The following FOXP1 variants were observed in gnomAD, a reference collection of about 807,000 sequenced individuals.
FOXP1 encodes the protein forkhead box protein P1.
A neutral mutation model predicts 98.2 loss-of-function variants in FOXP1; 15 were observed. The ratio of observed to expected loss-of-function variants is 0.15; its 90% CI spans 0.10 to 0.24. The LOEUF is 0.24. Among genes scored for constraint, FOXP1 ranks in the 10% least tolerant of loss-of-function variants. The probability of loss-of-function intolerance (pLI) is 1.00; values close to 1 mark genes in which losing one functional copy is unlikely to be tolerated. For synonymous variants in FOXP1, 371 were observed against 314.5 expected (o/e 1.18, Z -1.90); for missense variants, 633 against 848.5 (o/e 0.75, Z 3.15).
intron 3 of FOXP1, among the ~76,000 whole-genome samples, chr3:71,397,421 T>G (rs1229538066): frequency 6.6e-6 from 1 of 152,190 alleles, no homozygotes; most frequent in African/African-American, 2.4e-5. Context: ...AGTGATATCC[T>G]GAATGTAGGT....
At chr3:71,385,490 G>T (rs2080500174) in intron 3 of FOXP1, among the ~76,000 whole-genome samples, 1 of 152,102 alleles carries the variant, frequency 6.6e-6, no homozygotes, top group Non-Finnish European at 1.5e-5. Flanking sequence ...AGCTGCTCTG[G>T]GGAGAGACTG....
At chr3:71,100,665 T>C (rs2056874269) in intron 7 of FOXP1, among the ~76,000 whole-genome samples, 1 of 152,234 alleles carries the variant, frequency 6.6e-6, no homozygotes, top group South Asian at 2.1e-4. Flanking sequence ...AGGTCTTCTC[T>C]CTAAACAGCA....
At position 71,548,415 on chromosome 3, in the gene FOXP1, T is replaced by C. The variant is rs368416878; in HGVS notation, c.-298+33134A>G. Among the ~76,000 whole-genome samples the C allele has an allele frequency of 7.2e-5, 11 of 152,312 alleles. No homozygotes were observed. In the East Asian group the frequency reaches 1.2e-3, roughly 16 times the overall value. ...CTTCCTCAACTGTTTTTGTTTTTGT[T>C]TTTATTTTAAGACAGGGTCTTGTAC... On this transcript the variant is annotated intron_variant, in intron 2 of 20. Coordinates refer to ENST00000649528, the MANE Select transcript of FOXP1 (RefSeq NM_001349338.3).
chr3:71,131,974 G>A (rs551309101), intron 6 of FOXP1, among the ~76,000 whole-genome samples: 3 of 152,352 alleles, frequency 2.0e-5, no homozygotes, highest in South Asian at 4.1e-4. Flanking sequence ...ACTTTGGGGA[G>A]GGGTGGAGTA....
chr3:71,473,474 T>A (rs1333549817), intron 3 of FOXP1, among the ~76,000 whole-genome samples: 2 of 152,126 alleles, frequency 1.3e-5, no homozygotes, highest in African/African-American at 4.8e-5. Flanking sequence ...CCTCTAAGCA[T>A]TGTCAAAATA....
chr3:71,309,955 T>C (rs924315173), intron 4 of FOXP1, among the ~76,000 whole-genome samples: 2 of 152,230 alleles, frequency 1.3e-5, no homozygotes, highest in Admixed American at 6.5e-5. Context: ...ATTAGAACTT[T>C]TACTTTTGGG....
At chr3:71,353,643 T>C (rs1241045781) in intron 4 of FOXP1, among the ~76,000 whole-genome samples, 2 of 152,202 alleles carry the variant, frequency 1.3e-5, no homozygotes, top group Non-Finnish European at 2.9e-5. Flanking sequence ...ATAAAAGAAA[T>C]GGCTATTTTA....
chr3:70,956,525 T>A lies in FOXP1; in HGVS notation c.*2722A>T. ...AAATTTTAATCATTCCCTAAAGGTT[T>A]GAACTGAGGTATGCGTACTAACAGT... On this transcript the variant is annotated 3_prime_UTR_variant, in exon 21 of 21. Coordinates refer to ENST00000649528, the MANE Select transcript of FOXP1 (RefSeq NM_001349338.3). 4.3e-6 allele frequency: 1 copy of A among 231,212 alleles called. No homozygotes were observed. Among genetic ancestry groups the A allele is most frequent in the East Asian group, 6.1e-5 (1 of 16,268 alleles). The allele number at this position is 231,212 out of a possible 1,614,324, so 14.3% of individuals were successfully genotyped here. A position where few individuals can be genotyped will look rare whatever the true frequency, so the allele number is the denominator to read the frequency against.
intron 6 of FOXP1, among the ~76,000 whole-genome samples, chr3:71,173,383 T>TCACACACACA (rs3064895): frequency 0.015 from 2,099 of 143,274 alleles, 28 homozygotes; most frequent in Admixed American, 0.036. Flanking sequence ...AAGAAAAAAT[T>TCACACACACA]CACACACACA....
intron 9 of FOXP1, among the ~76,000 whole-genome samples, chr3:71,049,584 C>T (rs1034950211): frequency 6.6e-6 from 1 of 151,436 alleles, no homozygotes; most frequent in East Asian, 1.9e-4. Context: ...AAAGGTACAT[C>T]GTTCTGGCCA....
chr3:71,113,950 A>G (rs1453455389), intron 6 of FOXP1, among the ~76,000 whole-genome samples: 1 of 152,090 alleles, frequency 6.6e-6, no homozygotes, highest in Non-Finnish European at 1.5e-5. Context: ...GGGTTACTTG[A>G]GTCAATGCAG....
intron 3 of FOXP1, among the ~76,000 whole-genome samples, chr3:71,450,450 T>A (rs1222335597): frequency 1.3e-5 from 2 of 152,200 alleles, no homozygotes; most frequent in Non-Finnish European, 2.9e-5. Context: ...GAAATTTTGA[T>A]CTCAGCTGTC....
intron 5 of FOXP1, among the ~76,000 whole-genome samples, chr3:71,260,644 G>A (rs1013896179): frequency 6.6e-6 from 1 of 151,452 alleles, no homozygotes; most frequent in Non-Finnish European, 1.5e-5. Context: ...CCAGGTTCAA[G>A]CAATTCTCCT....
intron 3 of FOXP1, among the ~76,000 whole-genome samples, chr3:71,405,496 G>A (rs1228576210): frequency 6.6e-6 from 1 of 152,176 alleles, no homozygotes; most frequent in Admixed American, 6.5e-5. Context: ...TGGAAAAACT[G>A]AAGCTAAGAG....
At chr3:71,099,435 C>A (rs1469867520) in intron 7 of FOXP1, among the ~76,000 whole-genome samples, 1 of 152,100 alleles carries the variant, frequency 6.6e-6, no homozygotes, top group Non-Finnish European at 1.5e-5. Flanking sequence ...TTGCTTGAAC[C>A]CTGGAGGCGG....
intron 4 of FOXP1, among the ~76,000 whole-genome samples, chr3:71,324,549 A>G (rs1488856344): frequency 6.7e-6 from 1 of 149,938 alleles, no homozygotes; most frequent in Non-Finnish European, 1.5e-5. Flanking sequence ...TCTCACTCAT[A>G]GGTGGGAAAT....
At chr3:71,582,930 G>T (rs747445843) in intron 1 of FOXP1, 61 of 444,134 alleles carry the variant, frequency 1.4e-4, no homozygotes, top group Non-Finnish European at 1.8e-4. Flanking sequence ...AGTTTGCTGG[G>T]GCCCGCGGGG....
intron 3 of FOXP1, among the ~76,000 whole-genome samples, chr3:71,394,990 C>T (rs573171905): frequency 6.7e-6 from 1 of 149,814 alleles, no homozygotes; most frequent in African/African-American, 2.5e-5. Context: ...ATCCCAGCTA[C>T]TTGGGAGGCT....
intron 6 of FOXP1, among the ~76,000 whole-genome samples, chr3:71,137,972 C>T (rs908719257): frequency 6.4e-4 from 97 of 152,102 alleles, no homozygotes; most frequent in Non-Finnish European, 1.2e-3. Context: ...GATGTGAGAA[C>T]GGCCTTACAA....
Sources: allele counts gnomAD v4.1 joint callset (sites outside exome capture counted in the v4.1 genomes callset), GRCh38; gene constraint gnomAD v4.1.1; transcripts MANE v1.5; gene names NCBI Gene and HGNC (gene_info 2026-07-23, HGNC 2026-07-21).